The following PARD3B variants were observed in gnomAD, a reference collection of about 807,000 sequenced individuals.
PARD3B encodes par-3 family cell polarity regulator beta.
Under a neutral mutation model 130.2 loss-of-function variants are expected in PARD3B, and 103 were observed. The observed-to-expected ratio is 0.79, with a 90% CI of 0.67 to 0.93. The LOEUF (loss-of-function observed/expected upper bound fraction) is 0.93. PARD3B is among the 40% of genes least tolerant of loss of function. The pLI, the probability that PARD3B is intolerant of heterozygous loss-of-function variation, is 0.00. For missense variants in PARD3B, 1,609 were observed against 1,499.2 expected, an observed-to-expected ratio of 1.07 and a Z score of -1.21; for synonymous variants, 583 against 553.2, an observed-to-expected ratio of 1.05 and a Z score of -0.76.
intron 22 of PARD3B, among the ~76,000 whole-genome samples, chr2:205,607,861 CACACACACACACACACACAG>C (rs904439649): frequency 3.3e-5 from 5 of 151,726 alleles, no homozygotes; most frequent in Admixed American, 2.6e-4. Context: ...CACACACACA[CACACACACACACACACACAG>C]AGGCATGAAG....
chr2:205,413,116 A>G (rs891977906), intron 19 of PARD3B, among the ~76,000 whole-genome samples: 3 of 152,156 alleles, frequency 2.0e-5, no homozygotes, highest in Non-Finnish European at 4.4e-5. Flanking sequence ...TAGCTGTGTG[A>G]TGGTGCATGT....
intron 2 of PARD3B, among the ~76,000 whole-genome samples, chr2:204,778,028 C>G (rs2041700044): frequency 6.6e-6 from 1 of 151,844 alleles, no homozygotes; most frequent in African/African-American, 2.4e-5. Flanking sequence ...TGTAAGTTTC[C>G]TGAGGCCTCC....
chr2:205,075,167 G>A (rs1000491394), intron 4 of PARD3B, among the ~76,000 whole-genome samples: 2 of 152,120 alleles, frequency 1.3e-5, no homozygotes, highest in Non-Finnish European at 2.9e-5. Flanking sequence ...TGTACATAAT[G>A]TATTGTAATG....
intron 4 of PARD3B, among the ~76,000 whole-genome samples, chr2:205,069,664 C>T (rs1465754608): frequency 6.6e-6 from 1 of 152,002 alleles, no homozygotes; most frequent in African/African-American, 2.4e-5. Context: ...TGGTCTTACC[C>T]TGGGTTGTCT....
chr2:204,969,628 C>T (rs914627825), intron 3 of PARD3B, among the ~76,000 whole-genome samples: 1 of 152,184 alleles, frequency 6.6e-6, no homozygotes, highest in Non-Finnish European at 1.5e-5. Flanking sequence ...GGAACTAGAA[C>T]TGGAACCCAC....
Position 205,458,247 on chromosome 2 carries a change from G to T in PARD3B, c.3044+17575G>T, listed in dbSNP as rs903907072. 1.3e-5 allele frequency among the ~76,000 whole-genome samples: 2 copies of T among 152,108 alleles called. No homozygotes were observed. Among genetic ancestry groups the T allele is most frequent in the East Asian group, 3.9e-4 (2 of 5,172 alleles). Reference sequence around the variant, plus strand: ...GTCACACCTCTTCAGAATTGTTTCTGTTCCCTCCTGCTCCTCTTCCTCTCC... The same window carrying T: ...GTCACACCTCTTCAGAATTGTTTCTTTTCCCTCCTGCTCCTCTTCCTCTCC... On this transcript the variant is annotated intron_variant, in intron 20 of 22. Coordinates refer to ENST00000406610, the MANE Select transcript of PARD3B (RefSeq NM_001302769.2). The surrounding 1 kb of genome is among the most constrained non-coding windows in gnomAD (Gnocchi z 4.8).
intron 4 of PARD3B, among the ~76,000 whole-genome samples, chr2:205,057,398 ATGTGT>A (rs1171425262): frequency 4.4e-5 from 6 of 136,356 alleles, no homozygotes; most frequent in Non-Finnish European, 9.5e-5. Context: ...ATACATGTAT[ATGTGT>A]TATATACATA....
rs2046077830 is a variant in PARD3B, at chr2:205,397,620, A to T, written c.2631-3393A>T. Among the ~76,000 whole-genome samples, 1 of 152,160 alleles carries T rather than the reference A, an allele frequency of 6.6e-6. No individual in the cohort carries two copies. The highest frequency in any genetic ancestry group is 2.1e-4 in the South Asian group (1 of 4,836). On this transcript the variant is annotated intron_variant, in intron 18 of 22. Transcript: ENST00000406610. The surrounding 1 kb of genome is among the most constrained non-coding windows in gnomAD (Gnocchi z 4.8). ...GACTGCTTTTACCTCAGAAATCCCA[A>T]AAGCTGCAAATATAGGAGAAATAAT... is the stretch of plus-strand genomic sequence containing the variant.
At chr2:205,343,058 T>C (rs1328203667) in intron 18 of PARD3B, among the ~76,000 whole-genome samples, 1 of 152,218 alleles carries the variant, frequency 6.6e-6, no homozygotes, top group African/African-American at 2.4e-5. Flanking sequence ...TCTATCAGCA[T>C]TATCCTCAAT....
At chr2:204,615,505 C>A (rs1312480960) in intron 1 of PARD3B, among the ~76,000 whole-genome samples, 1 of 152,200 alleles carries the variant, frequency 6.6e-6, no homozygotes, top group Non-Finnish European at 1.5e-5. Flanking sequence ...TTATCACCAT[C>A]AGTCTCATCA....
intron 3 of PARD3B, among the ~76,000 whole-genome samples, chr2:205,028,234 ATTTC>A (rs1697171304): frequency 1.3e-5 from 2 of 152,108 alleles, no homozygotes; most frequent in African/African-American, 4.8e-5. Flanking sequence ...TGAGTCTTCA[ATTTC>A]TTTCAACAAC....
At chr2:205,133,103 C>T (rs992410847) in intron 10 of PARD3B, among the ~76,000 whole-genome samples, 3 of 152,136 alleles carry the variant, frequency 2.0e-5, no homozygotes, top group Non-Finnish European at 2.9e-5. Context: ...TGAGCAATAG[C>T]GATTTCTGAT....
intron 16 of PARD3B, among the ~76,000 whole-genome samples, chr2:205,299,121 C>T (rs576588595): frequency 9.8e-5 from 15 of 152,288 alleles, no homozygotes; most frequent in African/African-American, 3.6e-4. Context: ...CTATTTTTAA[C>T]ACGTTCGGAT....
chr2:205,021,093 A>T lies in PARD3B; in HGVS notation c.395-26488A>T, dbSNP rs116214447. On this transcript the variant is annotated intron_variant, in intron 3 of 22. Transcript: ENST00000406610. The surrounding 1 kb of genome is among the most constrained non-coding windows in gnomAD (Gnocchi z 4.5). ...GGAGATGGTGGGCAGAGAAAGCACC[A>T]GTTCCTATGTACTACCTCCAAACCA... Among the ~76,000 whole-genome samples, 2,432 of 152,266 alleles carry T rather than the reference A, an allele frequency of 0.016. 36 individuals are homozygous for T. Among genetic ancestry groups the T allele is most frequent in the Middle Eastern group, 0.027 (8 of 294 alleles).
At chr2:205,565,353 G>C (rs1391746486) in intron 22 of PARD3B, among the ~76,000 whole-genome samples, 2 of 152,124 alleles carry the variant, frequency 1.3e-5, no homozygotes, top group Non-Finnish European at 2.9e-5. Flanking sequence ...AAGCTTCTTG[G>C]TCACTTTCCA....
rs528514664 is a variant in PARD3B, at chr2:205,411,537, C to T, written c.2741+10414C>T. ...AATTAAAAGCAATATTTACGAAGCA[C>T]GCACTGGTTCAGTCTAGGTGCTGAC... On this transcript the variant is annotated intron_variant, in intron 19 of 22. Transcript: ENST00000406610. Among the ~76,000 whole-genome samples, 35 of 152,218 alleles carry T rather than the reference C, an allele frequency of 2.3e-4. No individual in the cohort carries two copies. In the East Asian group the frequency reaches 4.2e-3, roughly 18 times the overall value.
chr2:204,562,519 T>TCATC (rs1466689222), intron 1 of PARD3B, among the ~76,000 whole-genome samples: 1 of 152,142 alleles, frequency 6.6e-6, no homozygotes, highest in Non-Finnish European at 1.5e-5. Flanking sequence ...GAGCTAAGAG[T>TCATC]CATCCTGGCC....
chr2:205,386,982 G>C (rs1174166411), intron 18 of PARD3B, among the ~76,000 whole-genome samples: 1 of 152,092 alleles, frequency 6.6e-6, no homozygotes, highest in East Asian at 1.9e-4. Context: ...CACAGAGGTA[G>C]ATAATTAAAC....
chr2:204,994,687 G>C (rs1167826256), intron 3 of PARD3B, among the ~76,000 whole-genome samples: 1 of 151,326 alleles, frequency 6.6e-6, no homozygotes. Context: ...GGGTGTTAAA[G>C]TCTCCCATTA....
Sources: allele counts gnomAD v4.1 joint callset (sites outside exome capture counted in the v4.1 genomes callset), GRCh38; gene constraint gnomAD v4.1.1; non-coding constraint Gnocchi (gnomAD v3.1); transcripts MANE v1.5; gene names NCBI Gene and HGNC (gene_info 2026-07-23, HGNC 2026-07-21).